Variants in MARCHF8 observed in about 807,000 individuals in gnomAD.
MARCHF8 encodes the protein E3 ubiquitin-protein ligase MARCHF8.
A neutral mutation model predicts 51.6 loss-of-function variants in MARCHF8; 40 were observed. That is an observed-to-expected ratio of 0.77 (90% CI 0.60 to 1.01). The LOEUF is 1.01. Among genes scored for constraint, MARCHF8 ranks in the 50% least tolerant of loss-of-function variants. The probability of loss-of-function intolerance (pLI) is 0.00; values close to 1 mark genes in which losing one functional copy is unlikely to be tolerated. For synonymous variants in MARCHF8, 263 were observed against 280.3 expected (o/e 0.94, Z 0.62); for missense variants, 685 against 708.6 (o/e 0.97, Z 0.38).
At chr10:45,584,603 T>A (rs989311170) in intron 1 of MARCHF8, among the ~76,000 whole-genome samples, 1 of 152,136 alleles carries the variant, frequency 6.6e-6, no homozygotes, top group African/African-American at 2.4e-5. Context: ...GTCAGAAATC[T>A]AAAGATAGTC....
rs570864233 is a variant in MARCHF8 at position 45,583,735 on chromosome 10, T to C, written c.-79+10500A>G. On this transcript the variant is annotated intron_variant, in intron 1 of 6. Coordinates refer to the MARCHF8 transcript ENST00000319836. ...ATAACTAGATGAGACTTTTTCTTTA[T>C]GTACTTACAGTATTTGACTTTTTTA... 1.4e-4 allele frequency among the ~76,000 whole-genome samples: 22 copies of C among 152,338 alleles called. No individual in the cohort carries two copies. In the South Asian group the frequency reaches 4.1e-3, roughly 29 times the overall value.
intron 1 of MARCHF8, among the ~76,000 whole-genome samples, chr10:45,558,775 A>T (rs895044424): frequency 1.3e-5 from 2 of 152,236 alleles, no homozygotes; most frequent in African/African-American, 4.8e-5. Flanking sequence ...GCATGCGGGG[A>T]GAAAATGGGA....
chr10:45,568,075 T>G (rs2133382665), intron 1 of MARCHF8, among the ~76,000 whole-genome samples: 1 of 152,340 alleles, frequency 6.6e-6, no homozygotes, highest in East Asian at 1.9e-4. Context: ...TTTTTCACAT[T>G]GTTCACTGTT....
chr10:45,458,554 A>ATGAGCACATAC lies in MARCHF8; in HGVS notation c.1418-12_1418-11insGTATGTGCTCA, dbSNP rs1842684923. 6.4e-7 allele frequency: 1 copy of ATGAGCACATAC among 1,568,384 alleles called. No individual in the cohort carries two copies. The highest frequency in any genetic ancestry group is 1.4e-5 in the African/African-American group (1 of 72,580). On this transcript the variant is annotated splice_polypyrimidine_tract_variant and intron_variant, in intron 7 of 7. Transcript: ENST00000453424. The stretch of plus-strand genomic sequence containing the variant: ...GCCATTCTAGGATTCCTGGAAGGGA[A>ATGAGCACATAC]AAACTCAGCCTATTAGATTTTATTT...
In MARCHF8 at chr10:45,464,254, C is replaced by A. The variant is rs1165522800; in HGVS notation, c.227G>T (p.Ser76Ile). ...SFSRTSITPS[S>I]QDICSSSAVF... ...AGAGTGTTACCTGCAGATGTCCTGGCTGGATGGCGTGATAGAAGTGCGAGA... is the reference window on the plus strand; with the variant it reads ...AGAGTGTTACCTGCAGATGTCCTGGATGGATGGCGTGATAGAAGTGCGAGA... The change falls in exon 4 of 8, where the codon AGC becomes ATC. Residue 76 changes from serine (S) to isoleucine (I), a missense_variant. Physicochemically the swap from Ser to Ile is moderately radical, Grantham distance 142. Transcript: ENST00000453424. The A allele has an allele frequency of 3.7e-6, 6 of 1,614,156 alleles. No homozygotes were observed. In the South Asian group the frequency reaches 5.5e-5, roughly 15 times the overall value.
At chr10:45,563,183 T>C (rs1007626567) in intron 1 of MARCHF8, among the ~76,000 whole-genome samples, 4 of 152,102 alleles carry the variant, frequency 2.6e-5, no homozygotes, top group Non-Finnish European at 5.9e-5. Context: ...TGCACCACCA[T>C]ACCTGGGTAA....
intron 2 of MARCHF8, among the ~76,000 whole-genome samples, chr10:45,499,169 T>C (rs138261658): frequency 8.5e-5 from 13 of 152,350 alleles, no homozygotes; most frequent in African/African-American, 3.1e-4. Flanking sequence ...GGTATCTCAC[T>C]GTGGTTTTGA....
rs1467393891 is a variant in MARCHF8 at position 45,559,396 on chromosome 10, C to G, written c.-78-26107G>C. Among the ~76,000 whole-genome samples the G allele has an allele frequency of 2.6e-5, 4 of 152,202 alleles. No individual in the cohort carries two copies. In the East Asian group the frequency reaches 7.7e-4, roughly 29 times the overall value. ...TTCTTTTTTGAGACGGAGTCTCACT[C>G]TGTTGCCCAGGCTGGAGGGCAGTGG... On this transcript the variant is annotated intron_variant, in intron 1 of 6. Transcript: ENST00000319836.
intron 1 of MARCHF8, among the ~76,000 whole-genome samples, chr10:45,591,862 T>G (rs1408953670): frequency 6.6e-6 from 1 of 152,228 alleles, no homozygotes; most frequent in Non-Finnish European, 1.5e-5. Context: ...TGTCCACCTC[T>G]GTCTTCCTGA....
At chr10:45,519,597 T>C (rs2133230616) in intron 2 of MARCHF8, among the ~76,000 whole-genome samples, 1 of 152,380 alleles carries the variant, frequency 6.6e-6, no homozygotes, top group South Asian at 2.1e-4. Flanking sequence ...AATAAAACTA[T>C]ATTTATGAAA....
chr10:45,554,712 G>C (rs983050553), intron 1 of MARCHF8, among the ~76,000 whole-genome samples: 4 of 152,132 alleles, frequency 2.6e-5, no homozygotes, highest in Non-Finnish European at 4.4e-5. Flanking sequence ...CGGAGGTCGG[G>C]AATTCGAGAC....
At chr10:45,556,849 A>G (rs2044256478) in intron 1 of MARCHF8, among the ~76,000 whole-genome samples, 1 of 152,204 alleles carries the variant, frequency 6.6e-6, no homozygotes, top group African/African-American at 2.4e-5. Context: ...GTAGTAAAGG[A>G]TGAGTAAATA....
At chr10:45,483,403 C>T (rs149642578) in intron 3 of MARCHF8, among the ~76,000 whole-genome samples, 206 of 152,266 alleles carry the variant, frequency 1.4e-3, no homozygotes, top group African/African-American at 4.5e-3. Flanking sequence ...CATCCCTAAT[C>T]ATCAGGGAAT....
At chr10:45,494,466 A>G (rs531096623) in intron 2 of MARCHF8, among the ~76,000 whole-genome samples, 1 of 152,298 alleles carries the variant, frequency 6.6e-6, no homozygotes, top group East Asian at 1.9e-4. Flanking sequence ...TGGGCAATGA[A>G]CACCGCTAAC....
chr10:45,456,994 G>C lies in MARCHF8; in HGVS notation c.*1245C>G, dbSNP rs1257512649. ...GGGAGCAGTGGCACAGCGGACCCTG[G>C]CAGTTTGCTCACACCTGGCCCTCGT... On this transcript the variant is annotated 3_prime_UTR_variant, in exon 8 of 8. Coordinates refer to ENST00000453424, the MANE Select transcript of MARCHF8 (RefSeq NM_001282866.2). 2 of 152,372 alleles carry C rather than the reference G, an allele frequency of 1.3e-5. No homozygotes were observed. Among genetic ancestry groups the C allele is most frequent in the Non-Finnish European group, 2.9e-5 (2 of 68,170 alleles). The allele number at this position is 152,372 out of a possible 1,614,324, so 9.4% of individuals were successfully genotyped here.
chr10:45,529,349 G>A (rs1408093741), intron 2 of MARCHF8, among the ~76,000 whole-genome samples: 1 of 152,120 alleles, frequency 6.6e-6, no homozygotes, highest in Non-Finnish European at 1.5e-5. Flanking sequence ...AGACCTGAAA[G>A]ATCTGAAACT....
chr10:45,455,135 C>T lies in MARCHF8; in HGVS notation c.*3104G>A, dbSNP rs1842563309. 2 of 152,344 alleles carry T rather than the reference C, an allele frequency of 1.3e-5. No individual in the cohort carries two copies. Among genetic ancestry groups the T allele is most frequent in the African/African-American group, 4.8e-5 (2 of 41,470 alleles). The allele number at this position is 152,344 out of a possible 1,614,324, so 9.4% of individuals were successfully genotyped here. On this transcript the variant is annotated 3_prime_UTR_variant, in exon 8 of 8. Coordinates refer to ENST00000453424, the MANE Select transcript of MARCHF8 (RefSeq NM_001282866.2). ...CAGATCGTGCAGACATCACCCGAGGCTCCCAAACTGGCCCAGCTGCCTGAG... is the reference window on the plus strand; with the variant it reads ...CAGATCGTGCAGACATCACCCGAGGTTCCCAAACTGGCCCAGCTGCCTGAG...
intron 1 of MARCHF8, among the ~76,000 whole-genome samples, chr10:45,551,427 G>A (rs534862915): frequency 1.8e-4 from 28 of 151,892 alleles, no homozygotes; most frequent in African/African-American, 6.0e-4. Context: ...TTTAGGAGAT[G>A]GGGTTTCACT....
Position 45,463,517 on chromosome 10 carries a change from AG to A in MARCHF8, c.721del (p.Leu241CysfsTer29). On this transcript the variant is annotated frameshift_variant, in exon 5 of 8. Transcript: ENST00000453424. LOFTEE classifies it high-confidence loss of function. ...ACCATCCGCCTTCTCTTCCAGCAGCAGGCCGGGCCTGCCCCCCTTGCCAGCT... is the reference window on the plus strand; with the variant it reads ...ACCATCCGCCTTCTCTTCCAGCAGCAGCCGGGCCTGCCCCCCTTGCCAGCT... ...VEAGKGGRPG[L>X]LLEEKADGEA... 1 of 1,550,642 alleles carries A rather than the reference AG, an allele frequency of 6.4e-7. No individual in the cohort carries two copies. Among genetic ancestry groups the A allele is most frequent in the South Asian group, 1.2e-5 (1 of 84,064 alleles).
Sources: allele counts gnomAD v4.1 joint callset (sites outside exome capture counted in the v4.1 genomes callset), GRCh38; gene constraint gnomAD v4.1.1; transcripts MANE v1.5; gene names NCBI Gene and HGNC (gene_info 2026-07-23, HGNC 2026-07-21).